MYT1L: variants seen among roughly 807,000 people sequenced by gnomAD.
MYT1L encodes myelin transcription factor 1 like.
MYT1L carries 12 observed loss-of-function variants against 126.7 expected under a neutral mutation model. That is an observed-to-expected ratio of 0.09 (90% CI 0.06 to 0.15). The LOEUF is 0.15. Ranked by LOEUF, MYT1L falls within the 10% of genes least tolerant of loss-of-function variation. The probability of loss-of-function intolerance (pLI) is 1.00; values close to 1 mark genes in which losing one functional copy is unlikely to be tolerated. For missense variants in MYT1L, 979 were observed against 1,585.2 expected (o/e 0.62, Z 6.49); for synonymous variants, 541 against 604.2 (o/e 0.90, Z 1.53).
chr2:1,886,414 G>C, intron 18 of MYT1L, 125 bp downstream of exon 18: 1 of 590,012 alleles, frequency 1.7e-6, no homozygotes, highest in Non-Finnish European at 2.7e-6. Context: ...TCTACATCAA[G>C]GCACTGGGGT....
chr2:2,255,434 G>T (rs2094781599), intron 2 of MYT1L, among the ~76,000 whole-genome samples: 1 of 152,122 alleles, frequency 6.6e-6, no homozygotes, highest in African/African-American at 2.4e-5. Context: ...GGTAACGGTT[G>T]CCCTCAGAGC....
At chr2:1,883,905 T>C (rs1056608482) in intron 18 of MYT1L, 1 of 152,230 alleles carries the variant, frequency 6.6e-6, no homozygotes, top group African/African-American at 2.4e-5. Context: ...TAAATTTTAA[T>C]CCAGTTTCAG....
intron 2 of MYT1L, among the ~76,000 whole-genome samples, chr2:2,264,455 G>C (rs772483199): frequency 6.6e-6 from 1 of 151,638 alleles, no homozygotes; most frequent in Non-Finnish European, 1.5e-5. Flanking sequence ...TACTTCCTAA[G>C]TTACTTTATA....
chr2:2,066,047 A>C (rs1339710067), intron 3 of MYT1L, among the ~76,000 whole-genome samples: 1 of 152,116 alleles, frequency 6.6e-6, no homozygotes, highest in Non-Finnish European at 1.5e-5. Context: ...TTCCCACTAA[A>C]TGTTTAAATT....
intron 2 of MYT1L, among the ~76,000 whole-genome samples, chr2:2,211,017 C>G (rs532952045): frequency 3.4e-4 from 52 of 152,048 alleles, no homozygotes; most frequent in African/African-American, 1.2e-3. Context: ...CTTTTGATTT[C>G]TTTTTCACAT....
intron 1 of MYT1L, among the ~76,000 whole-genome samples, chr2:2,298,139 T>G (rs1559594762): frequency 3.9e-5 from 6 of 152,216 alleles, no homozygotes; most frequent in Admixed American, 1.3e-4. Flanking sequence ...CTTTTATTTT[T>G]GGGCTGAAAT....
At chr2:1,840,940 G>C in intron 19 of MYT1L, 97 bp from the exon 20 acceptor site, 3 of 813,700 alleles carry the variant, frequency 3.7e-6, no homozygotes, top group Non-Finnish European at 5.6e-6. Flanking sequence ...GTCTCACTCT[G>C]TCACCCAGGC....
intron 3 of MYT1L, among the ~76,000 whole-genome samples, chr2:2,117,501 C>G (rs1425617294): frequency 6.6e-6 from 1 of 152,074 alleles, no homozygotes; most frequent in Non-Finnish European, 1.5e-5. Context: ...GTGTGTCACT[C>G]CCAAGGAAGC....
At chr2:2,078,452 T>G (rs2150296189) in intron 3 of MYT1L, among the ~76,000 whole-genome samples, 2 of 152,278 alleles carry the variant, frequency 1.3e-5, no homozygotes, top group Admixed American at 1.3e-4. Flanking sequence ...AAACGCACTT[T>G]GAATTCAAAG....
intron 2 of MYT1L, among the ~76,000 whole-genome samples, chr2:2,233,077 C>T (rs1423599688): frequency 1.3e-5 from 2 of 152,282 alleles, no homozygotes; most frequent in East Asian, 3.9e-4. Context: ...ATCACATAGG[C>T]ATTCCCTGAA....
At chr2:2,106,292 T>A (rs1411965301) in intron 3 of MYT1L, among the ~76,000 whole-genome samples, 2 of 152,238 alleles carry the variant, frequency 1.3e-5, no homozygotes, top group Non-Finnish European at 2.9e-5. Context: ...ACATTTAGTA[T>A]AGCTTTAATA....
chr2:2,203,750 G>GA (rs2093186565), intron 2 of MYT1L, among the ~76,000 whole-genome samples: 4 of 152,056 alleles, frequency 2.6e-5, no homozygotes, highest in Admixed American at 2.0e-4. Flanking sequence ...TGCAGAATTG[G>GA]AAAAAACTAC....
intron 21 of MYT1L, among the ~76,000 whole-genome samples, chr2:1,818,300 C>T (rs1028247181): frequency 2.6e-5 from 4 of 152,250 alleles, no homozygotes; most frequent in South Asian, 2.1e-4. Flanking sequence ...CAAAGAGCTG[C>T]GGGTGGGAAG....
intron 4 of MYT1L, among the ~76,000 whole-genome samples, chr2:2,026,715 C>G (rs1455085602): frequency 6.6e-6 from 1 of 152,138 alleles, no homozygotes; most frequent in Admixed American, 6.5e-5. Context: ...TACAGGGAAC[C>G]TCTCCGTCCA....
In MYT1L at chr2:2,187,165, C is replaced by T. The variant is rs1364515350; in HGVS notation, c.-420-14177G>A. On this transcript the variant is annotated intron_variant, in intron 2 of 24. Coordinates refer to ENST00000647738, the MANE Select transcript of MYT1L (RefSeq NM_001303052.2). ...AGATGCTCTTATATTTGGTCGTGGG[C>T]TCCCTCTTCCACCGAGGCCTTTCCT... Among the ~76,000 whole-genome samples, 3 of 152,070 alleles carry T rather than the reference C, an allele frequency of 2.0e-5. No homozygotes were observed. The South Asian group carries it at 6.2e-4, about 32-fold the overall frequency.
chr2:2,307,229 A>T (rs1161266595), intron 1 of MYT1L, among the ~76,000 whole-genome samples: 1 of 152,214 alleles, frequency 6.6e-6, no homozygotes. Flanking sequence ...TTATTTCTGT[A>T]TGAAATAGAA....
chr2:2,051,969 T>TA (rs2068881049), intron 4 of MYT1L, among the ~76,000 whole-genome samples: 1 of 152,152 alleles, frequency 6.6e-6, no homozygotes, highest in South Asian at 2.1e-4. Flanking sequence ...TCGTAAATGT[T>TA]AAGAGATCCC....
chr2:2,167,952 G>T (rs2089429925), intron 3 of MYT1L, among the ~76,000 whole-genome samples: 1 of 152,206 alleles, frequency 6.6e-6, no homozygotes, highest in Non-Finnish European at 1.5e-5. Flanking sequence ...TAGGTTGTGT[G>T]TATGGATGGG....
At chr2:1,813,321 G>A (rs1047083814) in intron 21 of MYT1L, among the ~76,000 whole-genome samples, 5 of 152,118 alleles carry the variant, frequency 3.3e-5, no homozygotes, top group African/African-American at 9.7e-5. Context: ...CTCCCTCAGC[G>A]AGGCCCCTGG....
Sources: allele counts gnomAD v4.1 joint callset (sites outside exome capture counted in the v4.1 genomes callset), GRCh38; gene constraint gnomAD v4.1.1; transcripts MANE v1.5; gene names NCBI Gene and HGNC (gene_info 2026-07-23, HGNC 2026-07-21).